ZNF37A: variants seen among roughly 807,000 people sequenced by gnomAD.
The protein encoded by ZNF37A is zinc finger protein 37a (KOX 21).
Under a neutral mutation model 12.3 loss-of-function variants are expected in ZNF37A, and 10 were observed. That is an observed-to-expected ratio of 0.82 (90% CI 0.50 to 1.38). The LOEUF (loss-of-function observed/expected upper bound fraction) is 1.38, where lower values mean the gene tolerates loss of function less well. ZNF37A is among the 40% of genes most tolerant of loss of function. ZNF37A has a pLI of 0.00. For missense variants in ZNF37A, 580 were observed against 651.2 expected (o/e 0.89, Z 1.19); for synonymous variants, 207 against 223.0 (o/e 0.93, Z 0.64).
intron 5 of ZNF37A, among the ~76,000 whole-genome samples, chr10:38,102,273 A>G (rs566315509): frequency 1.1e-4 from 17 of 152,096 alleles, no homozygotes; most frequent in African/African-American, 4.1e-4. Context: ...TTTTCTGTGT[A>G]TGCCTTCTTT....
intron 5 of ZNF37A, among the ~76,000 whole-genome samples, chr10:38,105,082 C>T (rs532853086): frequency 9.9e-4 from 150 of 151,254 alleles, no homozygotes; most frequent in African/African-American, 3.5e-3. Context: ...CTCAGCTCAC[C>T]GCAACCTCCG....
At chr10:38,101,429 C>T (rs1564915006) in intron 5 of ZNF37A, among the ~76,000 whole-genome samples, 1 of 150,608 alleles carries the variant, frequency 6.6e-6, no homozygotes, top group African/African-American at 2.4e-5. Context: ...TTGTCCTTTC[C>T]TTATTGACTG....
rs1212643258 is a variant in ZNF37A at position 38,123,468 on chromosome 10, A to G, written c.*4631A>G. The G allele has an allele frequency of 6.6e-6, 1 of 152,142 alleles. No homozygotes were observed. The highest frequency in any genetic ancestry group is 1.5e-5 in the Non-Finnish European group (1 of 68,026). The allele number at this position is 152,142 out of a possible 1,614,324, so 9.4% of individuals were successfully genotyped here. A position where few individuals can be genotyped will look rare whatever the true frequency, so the allele number is the denominator to read the frequency against. ...GAAATATGGGCCTTGATGTGAGGAC[A>G]GCATCAATTAATGAGGGATCCTCTC... On this transcript the variant is annotated 3_prime_UTR_variant, in exon 8 of 8. Transcript: ENST00000685332.
At chr10:38,140,921 T>TA (rs1424965997) in intron 7 of ZNF37A, 1 of 152,152 alleles carries the variant, frequency 6.6e-6, no homozygotes, top group African/African-American at 2.4e-5. Flanking sequence ...CATTGTTAAT[T>TA]AAATGAATGA....
chr10:38,117,040 C>T (rs1463059842), intron 7 of ZNF37A: 3 of 320,736 alleles, frequency 9.4e-6, no homozygotes, highest in South Asian at 1.2e-4. Flanking sequence ...ACCCAGGAAG[C>T]GGAGATTGCA....
At chr10:38,112,750 CTTTTCTT>C (rs1189009966) in intron 5 of ZNF37A, among the ~76,000 whole-genome samples, 2 of 47,354 alleles carry the variant, frequency 4.2e-5, no homozygotes, top group African/African-American at 8.3e-5. Flanking sequence ...CTTTTCTTTT[CTTTTCTT>C]TTCTTTTCTT....
chr10:38,103,710 A>G (rs1370707738), intron 5 of ZNF37A, among the ~76,000 whole-genome samples: 1 of 152,084 alleles, frequency 6.6e-6, no homozygotes, highest in Non-Finnish European at 1.5e-5. Flanking sequence ...TTTATTTTGT[A>G]TTATTTGCTT....
At chr10:38,139,806 A>G (rs1490311964) in intron 7 of ZNF37A, 2 of 152,200 alleles carry the variant, frequency 1.3e-5, no homozygotes, top group African/African-American at 2.4e-5. Flanking sequence ...AAAAAATTCC[A>G]TTGATCTATT....
At chr10:38,096,669 T>C in intron 5 of ZNF37A, 37 bp downstream of exon 5, 1 of 1,604,782 alleles carries the variant, frequency 6.2e-7, no homozygotes, top group Non-Finnish European at 8.5e-7. Flanking sequence ...TGCTTAAAAG[T>C]AATTATTGAG....
intron 5 of ZNF37A, among the ~76,000 whole-genome samples, chr10:38,111,973 C>T (rs1429936327): frequency 1.3e-5 from 2 of 150,498 alleles, no homozygotes; most frequent in East Asian, 2.0e-4. Context: ...TGCAGTGGCG[C>T]GATCTCGGCC....
chr10:38,107,778 G>A (rs1221186678), intron 5 of ZNF37A, among the ~76,000 whole-genome samples: 1 of 152,092 alleles, frequency 6.6e-6, no homozygotes, highest in Non-Finnish European at 1.5e-5. Flanking sequence ...AGTGGTAAAG[G>A]GATCAATGCA....
downstream of ZNF37A, among the ~76,000 whole-genome samples, chr10:38,128,703 CT>C (rs1483340871): frequency 6.6e-6 from 1 of 152,176 alleles, no homozygotes; most frequent in Non-Finnish European, 1.5e-5. Flanking sequence ...GCATAAGTGC[CT>C]CTTCCATCCT....
intron 5 of ZNF37A, 86 bp from the exon 6 acceptor site, chr10:38,114,669 A>T (rs1274149521): frequency 1.3e-5 from 20 of 1,560,690 alleles, no homozygotes; most frequent in Non-Finnish European, 1.7e-5. Context: ...TCAACAATAA[A>T]AATGGTAAGA....
rs953190794 is a variant in ZNF37A, at chr10:38,095,193, C to T, written c.-229C>T. Reference sequence around the variant, plus strand: ...GGATTCGAACCAAAGGGCTTAGGCCCAGCTGTCTTGGAGCAAAGCAGCTGT... The same window carrying T: ...GGATTCGAACCAAAGGGCTTAGGCCTAGCTGTCTTGGAGCAAAGCAGCTGT... On this transcript the variant is annotated 5_prime_UTR_variant, in exon 2 of 8. Transcript: ENST00000685332. 2 of 152,328 alleles carry T rather than the reference C, an allele frequency of 1.3e-5. No individual in the cohort carries two copies. The highest frequency in any genetic ancestry group is 4.8e-5 in the African/African-American group (2 of 41,436). The allele number at this position is 152,328 out of a possible 1,614,324, so 9.4% of individuals were successfully genotyped here.
At chr10:38,115,114 T>G (rs199852230) in intron 6 of ZNF37A, 81 bp from the exon 7 acceptor site, 2 of 1,094,960 alleles carry the variant, frequency 1.8e-6, no homozygotes, top group Non-Finnish European at 2.6e-6. Context: ...TGTGTGTGTG[T>G]GTACTGTTTG....
Position 38,117,748 on chromosome 10 carries a change from C to T in ZNF37A, c.597C>T (p.Asn199=). 1.9e-6 allele frequency: 3 copies of T among 1,613,946 alleles called. No individual in the cohort carries two copies. The highest frequency in any genetic ancestry group is 2.5e-6 in the Non-Finnish European group (3 of 1,179,980). Residue 199 remains asparagine, a synonymous_variant, in exon 8 of 8, where the codon AAC becomes AAT. Transcript: ENST00000685332. ...ITHQQTHPRE[N]HYGNECGENI... Reference sequence around the variant, plus strand: ...ATCAGCAAACACATCCAAGAGAAAACCACTATGGTAATGAATGTGGAGAAA... The same window carrying T: ...ATCAGCAAACACATCCAAGAGAAAATCACTATGGTAATGAATGTGGAGAAA...
At chr10:38,145,121 C>A (rs2070234392) in intron 7 of ZNF37A, among the ~76,000 whole-genome samples, 1 of 152,104 alleles carries the variant, frequency 6.6e-6, no homozygotes, top group Non-Finnish European at 1.5e-5. Context: ...GGCTTGGATG[C>A]TAAACATACA....
At chr10:38,131,402 T>C (rs1295222094) in intron 7 of ZNF37A, among the ~76,000 whole-genome samples, 2 of 152,196 alleles carry the variant, frequency 1.3e-5, no homozygotes, top group African/African-American at 2.4e-5. Context: ...TTCATTGTTT[T>C]GCAAGCAGAT....
rs71007695 is a variant in ZNF37A at position 38,097,583 on chromosome 10, C to CAAAAAAAAAAAAAAAAAAAAAA, written c.15+961_15+982dup. Among the ~76,000 whole-genome samples, 26 of 61,942 alleles carry CAAAAAAAAAAAAAAAAAAAAAA rather than the reference C, an allele frequency of 4.2e-4. 1 individual carries two copies. Among genetic ancestry groups the CAAAAAAAAAAAAAAAAAAAAAA allele is most frequent in the Middle Eastern group, 9.3e-3 (1 of 108 alleles). 40.6% of individuals were successfully genotyped at this position (61,942 alleles called of 152,430 possible). On this transcript the variant is annotated intron_variant, in intron 5 of 7. Coordinates refer to ENST00000685332, the MANE Select transcript of ZNF37A (RefSeq NM_001324250.3). ...TGGGTGACAGAGTGAGACTCTGTCT[C>CAAAAAAAAAAAAAAAAAAAAAA]AAAAAAAAAAAAAAAAAAAAAAAAA...
Sources: gnomAD v4.1 joint callset for allele counts (sites outside exome capture counted in the v4.1 genomes callset) on GRCh38, gnomAD v4.1.1 for gene constraint, MANE v1.5 for transcripts, NCBI Gene and HGNC (gene_info 2026-07-23, HGNC 2026-07-21) for gene names.